The following LIN9 variants were observed in gnomAD, a reference collection of about 807,000 sequenced individuals.
LIN9 encodes protein lin-9 homolog.
LIN9 carries 18 observed loss-of-function variants against 78.0 expected under a neutral mutation model. That is an observed-to-expected ratio of 0.23 (90% CI 0.16 to 0.34). The LOEUF is 0.34. Among genes scored for constraint, LIN9 ranks in the 10% least tolerant of loss-of-function variants. The probability of loss-of-function intolerance (pLI) is 1.00; values close to 1 mark genes in which losing one functional copy is unlikely to be tolerated. For missense variants in LIN9, 451 were observed against 644.1 expected (o/e 0.70, Z 3.25); for synonymous variants, 192 against 215.2 (o/e 0.89, Z 0.94).
At chr1:226,247,894 G>T (rs1658588096) in intron 11 of LIN9, among the ~76,000 whole-genome samples, 1 of 151,954 alleles carries the variant, frequency 6.6e-6, no homozygotes. Context: ...GGCTTGTCTT[G>T]AACTCGTGAC....
intron 10 of LIN9, among the ~76,000 whole-genome samples, chr1:226,264,073 C>T (rs1282510909): frequency 6.6e-6 from 1 of 151,988 alleles, no homozygotes; most frequent in Non-Finnish European, 1.5e-5. Flanking sequence ...AAGACTTTGT[C>T]TCAAACAAAC....
intron 8 of LIN9, 55 bp from the exon 9 acceptor site, chr1:226,266,387 T>A: frequency 6.9e-7 from 1 of 1,457,150 alleles, no homozygotes. Flanking sequence ...TCATTTAAGC[T>A]TTATAATCAT....
At chr1:226,297,569 C>A in intron 3 of LIN9, 150 bp downstream of exon 3, 1 of 432,922 alleles carries the variant, frequency 2.3e-6, no homozygotes, top group Non-Finnish European at 4.1e-6. Flanking sequence ...GATTAATTTA[C>A]CTAAATAAGA....
At chr1:226,246,792 CAAA>C (rs34407541) in intron 11 of LIN9, among the ~76,000 whole-genome samples, 11 of 77,986 alleles carry the variant, frequency 1.4e-4, no homozygotes, top group Admixed American at 1.4e-4. Context: ...GACTCTGTCT[CAAA>C]AAAAAAAAAA....
chr1:226,243,636 C>T (rs1284241675), intron 11 of LIN9, among the ~76,000 whole-genome samples: 1 of 132,140 alleles, frequency 7.6e-6, no homozygotes, highest in Non-Finnish European at 1.5e-5. Flanking sequence ...GTAGAGGTTG[C>T]AGTAAGCCAA....
chr1:226,296,568 A>G (rs1662160700), intron 3 of LIN9, among the ~76,000 whole-genome samples: 1 of 152,234 alleles, frequency 6.6e-6, no homozygotes, highest in Non-Finnish European at 1.5e-5. Flanking sequence ...CTAGGTTCAG[A>G]GGTTTCATTA....
chr1:226,287,622 T>G (rs1486363246), intron 5 of LIN9, 42 bp downstream of exon 5: 6 of 1,391,896 alleles, frequency 4.3e-6, no homozygotes, highest in Non-Finnish European at 5.8e-6. Flanking sequence ...AACTTAAATT[T>G]CTGATTCAAG....
intron 8 of LIN9, 132 bp downstream of exon 8, chr1:226,267,825 T>G (rs1660028825): frequency 1.1e-6 from 1 of 902,666 alleles, no homozygotes; most frequent in East Asian, 2.7e-5. Context: ...CAGATAGGGC[T>G]GGGGTCCCCT....
intron 8 of LIN9, among the ~76,000 whole-genome samples, chr1:226,267,318 A>ATGTATG (rs60392041): frequency 6.2e-4 from 87 of 140,900 alleles, no homozygotes; most frequent in Middle Eastern, 3.5e-3. Context: ...TATTATGTAT[A>ATGTATG]TATGTATGTA....
intron 4 of LIN9, among the ~76,000 whole-genome samples, chr1:226,293,946 T>G (rs1194332040): frequency 6.6e-6 from 1 of 152,208 alleles, no homozygotes; most frequent in Non-Finnish European, 1.5e-5. Context: ...TGTTTAAAAT[T>G]ATCATAAGGC....
chr1:226,296,456 T>C (rs1275946116), intron 3 of LIN9, among the ~76,000 whole-genome samples: 1 of 152,178 alleles, frequency 6.6e-6, no homozygotes, highest in African/African-American at 2.4e-5. Context: ...ATACATATGA[T>C]AGATACCTGA....
At chr1:226,254,022 C>T (rs1015096931) in intron 10 of LIN9, among the ~76,000 whole-genome samples, 1 of 152,224 alleles carries the variant, frequency 6.6e-6, no homozygotes, top group South Asian at 2.1e-4. Flanking sequence ...GCCTCAACCT[C>T]CTGGGCTCAA....
At chr1:226,273,713 T>C (rs1013865580) in intron 7 of LIN9, among the ~76,000 whole-genome samples, 3 of 152,128 alleles carry the variant, frequency 2.0e-5, no homozygotes, top group African/African-American at 7.2e-5. Context: ...ACCTTCTGAA[T>C]CAGAAACTCA....
intron 1 of LIN9, among the ~76,000 whole-genome samples, chr1:226,305,872 GGGAA>G (rs1409288261): frequency 2.0e-5 from 3 of 152,162 alleles, no homozygotes; most frequent in African/African-American, 7.2e-5. Context: ...GTGTGTTTGT[GGGAA>G]GGGGGCTGAA....
In LIN9 at chr1:226,295,893, T is replaced by C; in HGVS notation, c.213A>G (p.Gln71=). Reference sequence around the variant, plus strand: ...TTCTTTTAGGTGACCTTGTATTTATTTGCCTATCATCTTCATCAGAAAAAA... The same window carrying C: ...TTCTTTTAGGTGACCTTGTATTTATCTGCCTATCATCTTCATCAGAAAAAA... ...SRLFSDEDDR[Q]INTRSPKRNQ... The change falls in exon 4 of 15, where the codon CAA becomes CAG. Residue 71 remains glutamine (Q), a synonymous_variant. Transcript: ENST00000681046. The C allele has an allele frequency of 1.2e-6, 2 of 1,613,710 alleles. 1 individual carries two copies. Among genetic ancestry groups the C allele is most frequent in the South Asian group, 2.2e-5 (2 of 90,918 alleles).
intron 7 of LIN9, among the ~76,000 whole-genome samples, chr1:226,270,500 T>C (rs1197498968): frequency 1.3e-5 from 2 of 152,066 alleles, no homozygotes; most frequent in African/African-American, 2.4e-5. Context: ...TTGAGAGAGA[T>C]ATTTAGCAAA....
At chr1:226,301,073 T>C (rs944935309) in intron 2 of LIN9, 100 bp downstream of exon 2, 17 of 777,126 alleles carry the variant, frequency 2.2e-5, no homozygotes, top group Admixed American at 7.9e-5. Context: ...AAAGCTACAA[T>C]GAATCATAAC....
In LIN9 at chr1:226,286,455, T is replaced by C. The variant is rs1443627696; in HGVS notation, c.402A>G (p.Pro134=). 1 of 1,575,324 alleles carries C rather than the reference T, an allele frequency of 6.3e-7. No homozygotes were observed. The highest frequency in any genetic ancestry group is 2.2e-5 in the East Asian group (1 of 44,642). ...YEWFYSNIDK[P]LFEGDNDFCV... ...AGAAGTCATTATCACCTTCAAAAAGTGGTCTGTAAAACAGATATAGTATTT... is the reference window on the plus strand; with the variant it reads ...AGAAGTCATTATCACCTTCAAAAAGCGGTCTGTAAAACAGATATAGTATTT... The change falls in exon 6 of 15, where the codon CCA becomes CCG. Residue 134 remains proline (P), a synonymous_variant. Coordinates refer to ENST00000681046, the MANE Select transcript of LIN9 (RefSeq NM_001366245.2).
chr1:226,294,686 A>G (rs925111700), intron 4 of LIN9, among the ~76,000 whole-genome samples: 1 of 152,260 alleles, frequency 6.6e-6, no homozygotes, highest in Non-Finnish European at 1.5e-5. Context: ...AAAATAATGA[A>G]AGAGAAATAG....
Sources: gnomAD v4.1 joint callset for allele counts (sites outside exome capture counted in the v4.1 genomes callset) on GRCh38, gnomAD v4.1.1 for gene constraint, MANE v1.5 for transcripts, NCBI Gene and HGNC (gene_info 2026-07-23, HGNC 2026-07-21) for gene names.